CCBE1: variants seen among roughly 807,000 people sequenced by gnomAD.
CCBE1 encodes collagen and calcium-binding EGF domain-containing protein 1.
In CCBE1, 37 loss-of-function variants were observed where a neutral mutation model predicts 50.0. The observed-to-expected ratio is 0.74, with a 90% CI of 0.57 to 0.97. CCBE1 has a LOEUF of 0.97. CCBE1 is among the 50% of genes least tolerant of loss of function. CCBE1 has a pLI of 0.00. For missense variants in CCBE1, 538 were observed against 523.8 expected (o/e 1.03, Z -0.26); for synonymous variants, 234 against 203.7 (o/e 1.15, Z -1.27).
chr18:59,682,436 T>G (rs1466395147), intron 2 of CCBE1, among the ~76,000 whole-genome samples: 2 of 152,234 alleles, frequency 1.3e-5, no homozygotes, highest in Non-Finnish European at 2.9e-5. Context: ...TGATTCATTT[T>G]GATAAAACTT....
intron 2 of CCBE1, among the ~76,000 whole-genome samples, chr18:59,511,035 C>A (rs1914110963): frequency 6.6e-6 from 1 of 152,184 alleles, no homozygotes; most frequent in South Asian, 2.1e-4. Context: ...TGTCTGACCC[C>A]TGCTCTGAGA....
chr18:59,543,078 G>A (rs1041372651), intron 2 of CCBE1, among the ~76,000 whole-genome samples: 4 of 152,038 alleles, frequency 2.6e-5, no homozygotes, highest in South Asian at 2.1e-4. Context: ...CTTCCTTCTC[G>A]GGAAGCCTTG....
At chr18:59,665,264 C>G (rs1444928038) in intron 2 of CCBE1, among the ~76,000 whole-genome samples, 2 of 151,956 alleles carry the variant, frequency 1.3e-5, no homozygotes, top group Non-Finnish European at 2.9e-5. Context: ...AGAGAAGATT[C>G]CCTGTCTCAG....
intron 7 of CCBE1, among the ~76,000 whole-genome samples, chr18:59,440,509 A>G (rs1490997288): frequency 1.3e-5 from 2 of 151,878 alleles, no homozygotes; most frequent in African/African-American, 2.4e-5. Flanking sequence ...CCCCTTGCCC[A>G]TTTTTGATAT....
chr18:59,530,813 G>A (rs1387003812), intron 2 of CCBE1, among the ~76,000 whole-genome samples: 1 of 152,164 alleles, frequency 6.6e-6, no homozygotes, highest in Non-Finnish European at 1.5e-5. Context: ...ATTGTTCTCA[G>A]ATAGTTTTCT....
intron 2 of CCBE1, among the ~76,000 whole-genome samples, chr18:59,683,492 T>G (rs2054618873): frequency 2.0e-5 from 3 of 152,068 alleles, no homozygotes; most frequent in Admixed American, 2.0e-4. Flanking sequence ...GGTCAGGAGT[T>G]TGAGACCAGC....
intron 2 of CCBE1, among the ~76,000 whole-genome samples, chr18:59,646,996 C>T (rs562697309): frequency 1.4e-4 from 22 of 152,304 alleles, no homozygotes; most frequent in Middle Eastern, 3.4e-3. Flanking sequence ...CTGATCTTTC[C>T]GTGGGCCTAA....
chr18:59,488,216 C>T (rs903919057), intron 2 of CCBE1, among the ~76,000 whole-genome samples: 28 of 152,102 alleles, frequency 1.8e-4, no homozygotes, highest in African/African-American at 4.1e-4. Context: ...TACTGGGTAA[C>T]GGATACAGAG....
intron 2 of CCBE1, among the ~76,000 whole-genome samples, chr18:59,509,664 A>G (rs1388067844): frequency 1.3e-5 from 2 of 152,196 alleles, no homozygotes; most frequent in Non-Finnish European, 2.9e-5. Context: ...ACACCACATA[A>G]AAGAAGAACT....
At chr18:59,633,581 C>T (rs936983922) in intron 2 of CCBE1, among the ~76,000 whole-genome samples, 3 of 152,152 alleles carry the variant, frequency 2.0e-5, no homozygotes, top group African/African-American at 7.2e-5. Flanking sequence ...CCTCTGGATC[C>T]CTCACGCAGT....
chr18:59,571,054 G>C (rs529618058), intron 2 of CCBE1, among the ~76,000 whole-genome samples: 7 of 152,124 alleles, frequency 4.6e-5, no homozygotes, highest in African/African-American at 1.7e-4. Context: ...TCCCACTTCT[G>C]AGTATAATAG....
intron 2 of CCBE1, among the ~76,000 whole-genome samples, chr18:59,603,260 T>C (rs1220568142): frequency 6.6e-6 from 1 of 152,212 alleles, no homozygotes; most frequent in East Asian, 1.9e-4. Flanking sequence ...CCCCTGGGGC[T>C]GAAATTCTTA....
intron 2 of CCBE1, among the ~76,000 whole-genome samples, chr18:59,538,766 A>C (rs887202364): frequency 2.0e-5 from 3 of 152,228 alleles, no homozygotes; most frequent in Non-Finnish European, 4.4e-5. Flanking sequence ...CAATGATCTC[A>C]ATGATTCTGG....
chr18:59,595,183 TC>T (rs2053333540), intron 2 of CCBE1, among the ~76,000 whole-genome samples: 3 of 148,320 alleles, frequency 2.0e-5, no homozygotes, highest in Admixed American at 2.0e-4. Flanking sequence ...AACCTCAGAC[TC>T]CTCCCTTGCA....
At chr18:59,681,438 C>T (rs1433581276) in intron 2 of CCBE1, among the ~76,000 whole-genome samples, 2 of 152,196 alleles carry the variant, frequency 1.3e-5, no homozygotes. Context: ...CTTTTCTTCC[C>T]ACTTTATTAG....
intron 2 of CCBE1, among the ~76,000 whole-genome samples, chr18:59,621,319 T>C (rs1236312045): frequency 1.3e-5 from 2 of 152,210 alleles, no homozygotes; most frequent in Admixed American, 1.3e-4. Context: ...AATCAGTCCC[T>C]CATTCCCCTT....
At chr18:59,457,300 G>C (rs1042870452) in intron 5 of CCBE1, among the ~76,000 whole-genome samples, 10 of 152,186 alleles carry the variant, frequency 6.6e-5, no homozygotes, top group Non-Finnish European at 1.3e-4. Flanking sequence ...AGGGGGAATA[G>C]GGAAGGGCTT....
chr18:59,665,278 T>C (rs747103216), intron 2 of CCBE1, among the ~76,000 whole-genome samples: 1 of 152,124 alleles, frequency 6.6e-6, no homozygotes, highest in Non-Finnish European at 1.5e-5. Context: ...GTCTCAGCAT[T>C]TTTATCCTGA....
chr18:59,611,237 C>G (rs1019826588), intron 2 of CCBE1, among the ~76,000 whole-genome samples: 1 of 152,174 alleles, frequency 6.6e-6, no homozygotes, highest in Admixed American at 6.5e-5. Flanking sequence ...TCCCTTGCTT[C>G]CGAGTAAGAG....
Sources: gnomAD v4.1 joint callset for allele counts (sites outside exome capture counted in the v4.1 genomes callset) on GRCh38, gnomAD v4.1.1 for gene constraint, MANE v1.5 for transcripts, NCBI Gene and HGNC (gene_info 2026-07-23, HGNC 2026-07-21) for gene names.